The following ITFG1 variants were observed in gnomAD, a reference collection of about 807,000 sequenced individuals.
ITFG1 encodes T-cell immunomodulatory protein.
ITFG1 carries 34 observed loss-of-function variants against 81.8 expected under a neutral mutation model. That is an observed-to-expected ratio of 0.42 (90% CI 0.32 to 0.55). The LOEUF (loss-of-function observed/expected upper bound fraction) is 0.55. Ranked by LOEUF, ITFG1 falls within the 20% of genes least tolerant of loss-of-function variation. ITFG1 has a pLI of 0.17. For synonymous variants in ITFG1, 285 were observed against 270.6 expected (o/e 1.05, Z -0.52); for missense variants, 672 against 755.4 (o/e 0.89, Z 1.29).
intron 10 of ITFG1, among the ~76,000 whole-genome samples, chr16:47,264,545 T>TACACACACACACACACAC (rs60424367): frequency 7.4e-6 from 1 of 136,036 alleles, no homozygotes; most frequent in Non-Finnish European, 1.6e-5. Context: ...TGTTCTCTAT[T>TACACACACACACACACAC]ACACACACAC....
chr16:47,347,224 C>T (rs558121727), intron 8 of ITFG1, among the ~76,000 whole-genome samples: 4 of 152,324 alleles, frequency 2.6e-5, no homozygotes, highest in East Asian at 1.9e-4. Context: ...GCGCACTGAG[C>T]GTGAGCCGAA....
chr16:47,404,469 G>A (rs1163165009), intron 6 of ITFG1, among the ~76,000 whole-genome samples: 4 of 152,092 alleles, frequency 2.6e-5, no homozygotes, highest in African/African-American at 9.7e-5. Context: ...CAACATATTA[G>A]AGATATAAAG....
intron 10 of ITFG1, among the ~76,000 whole-genome samples, chr16:47,301,045 A>C (rs1381391497): frequency 1.3e-5 from 2 of 152,218 alleles, no homozygotes; most frequent in African/African-American, 4.8e-5. Context: ...CCAGGAGTAT[A>C]ATTTTTAAAA....
At chr16:47,306,756 AC>A (rs1300830708) in intron 10 of ITFG1, among the ~76,000 whole-genome samples, 1 of 152,064 alleles carries the variant, frequency 6.6e-6, no homozygotes, top group Non-Finnish European at 1.5e-5. Flanking sequence ...GATTCTTTGA[AC>A]CTCTACAATA....
At chr16:47,163,954 TACACACACACAC>T (rs796283043) in intron 14 of ITFG1, among the ~76,000 whole-genome samples, 1 of 96,778 alleles carries the variant, frequency 1.0e-5, no homozygotes, top group Non-Finnish European at 2.0e-5. Flanking sequence ...CACACACACA[TACACACACACAC>T]ACACCAATTA....
chr16:47,404,137 AG>A (rs1968698665), intron 6 of ITFG1, among the ~76,000 whole-genome samples: 1 of 152,138 alleles, frequency 6.6e-6, no homozygotes, highest in South Asian at 2.1e-4. Context: ...TGGGGCCAAA[AG>A]GGTTGGGGGC....
Position 47,245,831 on chromosome 16 carries a change from C to CT in ITFG1, c.1331-7824dup, listed in dbSNP as rs932168296. Among the ~76,000 whole-genome samples the CT allele has an allele frequency of 6.4e-3, 930 of 145,012 alleles. 7 individuals are homozygous for CT. Among genetic ancestry groups the CT allele is most frequent in the Middle Eastern group, 0.021 (6 of 282 alleles). ...AATTCTAATTGTCCCCTGCCTCCTC[C>CT]TTTTTTTTTTTTTAAATGAAGAGGA... On this transcript the variant is annotated intron_variant, in intron 12 of 17. Coordinates refer to ENST00000320640, the MANE Select transcript of ITFG1 (RefSeq NM_030790.5).
At chr16:47,413,805 T>C (rs1968840173) in intron 6 of ITFG1, among the ~76,000 whole-genome samples, 1 of 152,152 alleles carries the variant, frequency 6.6e-6, no homozygotes, top group Non-Finnish European at 1.5e-5. Context: ...AGGGACTGTC[T>C]AATACTCCTA....
intron 8 of ITFG1, among the ~76,000 whole-genome samples, chr16:47,322,514 C>A (rs1470251514): frequency 6.6e-6 from 1 of 152,100 alleles, no homozygotes; most frequent in Admixed American, 6.5e-5. Flanking sequence ...CATGGCAAAA[C>A]CCCATCTCTA....
chr16:47,396,520 T>C (rs1043236873), intron 6 of ITFG1, among the ~76,000 whole-genome samples: 2 of 124,940 alleles, frequency 1.6e-5, no homozygotes, highest in African/African-American at 4.5e-5. Flanking sequence ...ACCTAATAAT[T>C]ATTTTGTGTG....
chr16:47,270,139 A>G (rs1254555211), intron 10 of ITFG1, among the ~76,000 whole-genome samples: 1 of 152,196 alleles, frequency 6.6e-6, no homozygotes, highest in Non-Finnish European at 1.5e-5. Context: ...AGGGCAAAAC[A>G]TTGTGTTAGG....
intron 4 of ITFG1, among the ~76,000 whole-genome samples, chr16:47,451,812 A>T (rs1402010289): frequency 6.6e-6 from 1 of 152,216 alleles, no homozygotes; most frequent in East Asian, 1.9e-4. Context: ...CACACTGGAC[A>T]TATAGTAAGA....
chr16:47,171,252 C>T (rs1964957789), intron 14 of ITFG1, among the ~76,000 whole-genome samples: 1 of 152,056 alleles, frequency 6.6e-6, no homozygotes, highest in African/African-American at 2.4e-5. Context: ...AAGCATTCTT[C>T]ATGCTTTGGC....
intron 6 of ITFG1, among the ~76,000 whole-genome samples, chr16:47,401,001 G>C (rs972351569): frequency 4.6e-5 from 7 of 152,184 alleles, no homozygotes; most frequent in Non-Finnish European, 7.3e-5. Flanking sequence ...GATTTAACAG[G>C]AAGGGAAGAA....
At chr16:47,414,785 T>C (rs1968854118) in intron 6 of ITFG1, among the ~76,000 whole-genome samples, 1 of 152,220 alleles carries the variant, frequency 6.6e-6, no homozygotes, top group Non-Finnish European at 1.5e-5. Flanking sequence ...ACTGTTTTAA[T>C]TTCTTACCTT....
intron 2 of ITFG1, among the ~76,000 whole-genome samples, chr16:47,454,601 A>C (rs1223344085): frequency 2.0e-5 from 3 of 152,202 alleles, no homozygotes; most frequent in African/African-American, 7.2e-5. Flanking sequence ...ATAAATTCAA[A>C]ATTTACAGTA....
At chr16:47,260,039 C>A (rs983378102) in intron 11 of ITFG1, among the ~76,000 whole-genome samples, 1 of 151,386 alleles carries the variant, frequency 6.6e-6, no homozygotes, top group African/African-American at 2.4e-5. Context: ...CCCGGGTTCA[C>A]GCCATTCTCC....
chr16:47,273,067 T>C (rs568959386), intron 10 of ITFG1, among the ~76,000 whole-genome samples: 1 of 151,918 alleles, frequency 6.6e-6, no homozygotes, highest in East Asian at 1.9e-4. Flanking sequence ...AGGTAGCTTA[T>C]GGATCATTTA....
chr16:47,219,185 A>T (rs1965661945), intron 13 of ITFG1, among the ~76,000 whole-genome samples: 2 of 152,180 alleles, frequency 1.3e-5, no homozygotes, highest in Non-Finnish European at 2.9e-5. Context: ...TAAATGATTT[A>T]ATAGTTGCAA....
Sources: allele counts gnomAD v4.1 joint callset (sites outside exome capture counted in the v4.1 genomes callset), GRCh38; gene constraint gnomAD v4.1.1; transcripts MANE v1.5; gene names NCBI Gene and HGNC (gene_info 2026-07-23, HGNC 2026-07-21).